Variants in JARID2 observed in about 807,000 individuals in gnomAD.
The protein encoded by JARID2 is protein Jumonji.
In JARID2, 21 loss-of-function variants were observed where a neutral mutation model predicts 125.6. That is an observed-to-expected ratio of 0.17 (90% CI 0.12 to 0.24). The LOEUF is 0.24. JARID2 is among the 10% of genes least tolerant of loss of function. The pLI, the probability that JARID2 is intolerant of heterozygous loss-of-function variation, is 1.00. For synonymous variants in JARID2, 736 were observed against 661.6 expected (o/e 1.11, Z -1.73); for missense variants, 1,303 against 1,639.6 (o/e 0.79, Z 3.55).
chr6:15,387,679 A>C (rs1764840286), intron 2 of JARID2, among the ~76,000 whole-genome samples: 1 of 152,192 alleles, frequency 6.6e-6, no homozygotes, highest in Non-Finnish European at 1.5e-5. Context: ...GTTAATCTGC[A>C]GCATGTTTTC....
intron 1 of JARID2, among the ~76,000 whole-genome samples, chr6:15,282,340 C>G (rs975435798): frequency 5.1e-4 from 77 of 152,274 alleles, no homozygotes; most frequent in African/African-American, 1.9e-3. Flanking sequence ...ATTTTCCTCC[C>G]TTCTTGCCAA....
chr6:15,461,604 A>G (rs1768452383), intron 4 of JARID2, among the ~76,000 whole-genome samples: 1 of 152,202 alleles, frequency 6.6e-6, no homozygotes, highest in African/African-American at 2.4e-5. Context: ...TCACCAACCA[A>G]TCTAGTTACT....
chr6:15,336,111 G>GAATAAATA (rs1189708865), intron 1 of JARID2, among the ~76,000 whole-genome samples: 11 of 142,028 alleles, frequency 7.7e-5, no homozygotes, highest in Admixed American at 3.0e-4. Flanking sequence ...ATGAATGAAT[G>GAATAAATA]AATGAATAAA....
rs79950943 is a variant in JARID2, at chr6:15,428,057, G to A, written c.323+17692G>A. On this transcript the variant is annotated intron_variant, in intron 3 of 17. Coordinates refer to ENST00000341776, the MANE Select transcript of JARID2 (RefSeq NM_004973.4). ...CTGCCTCCCTCCTATTTTATTGTAA[G>A]ATGGGAGTCTGGCGGGTGATGAAAG... 7.2e-3 allele frequency among the ~76,000 whole-genome samples: 1,095 copies of A among 152,190 alleles called. 14 individuals are homozygous for A. Among genetic ancestry groups the A allele is most frequent in the African/African-American group, 0.025 (1,041 of 41,508 alleles).
chr6:15,336,912 C>G (rs1434936964), intron 1 of JARID2, among the ~76,000 whole-genome samples: 1 of 152,064 alleles, frequency 6.6e-6, no homozygotes, highest in African/African-American at 2.4e-5. Context: ...TTAGCAAGTT[C>G]TCTCGCCAGA....
intron 1 of JARID2, among the ~76,000 whole-genome samples, chr6:15,329,002 CTT>C (rs146759476): frequency 7.3e-5 from 11 of 151,346 alleles, no homozygotes; most frequent in Admixed American, 2.6e-4. Flanking sequence ...TAATAATGGG[CTT>C]TTTTTTTCTA....
chr6:15,415,356 G>C (rs1307109274), intron 3 of JARID2, among the ~76,000 whole-genome samples: 3 of 151,466 alleles, frequency 2.0e-5, no homozygotes, highest in Non-Finnish European at 2.9e-5. Context: ...GGCGGTGGCC[G>C]GGCAGAGGGG....
chr6:15,382,724 G>T (rs572422962), intron 2 of JARID2, among the ~76,000 whole-genome samples: 6 of 152,198 alleles, frequency 3.9e-5, no homozygotes, highest in Admixed American at 6.5e-5. Flanking sequence ...ACAGTGAGGC[G>T]CCACGCTTCC....
At chr6:15,454,944 G>A (rs1768088932) in intron 4 of JARID2, among the ~76,000 whole-genome samples, 2 of 152,146 alleles carry the variant, frequency 1.3e-5, no homozygotes, top group East Asian at 1.9e-4. Context: ...GTAGAGTGTG[G>A]TGTGATGATC....
In JARID2 at chr6:15,496,333, G is replaced by T. The variant is rs961851776; in HGVS notation, c.1108G>T (p.Ala370Ser). 2 of 1,614,164 alleles carry T rather than the reference G, an allele frequency of 1.2e-6. No homozygotes were observed. Among genetic ancestry groups the T allele is most frequent in the Admixed American group, 1.7e-5 (1 of 60,016 alleles). The change falls in exon 7 of 18, where the codon GCT (alanine) becomes TCT (serine). Residue 370 changes from alanine to serine, a missense_variant. Around this residue, in one of 11 missense-constraint regions of JARID2, gnomAD observed 651 missense variants for 581.6 expected, o/e 1.12. Coordinates refer to ENST00000341776, the MANE Select transcript of JARID2 (RefSeq NM_004973.4). ...ACCCAATCACCACAAGCCCAGTTCC[G>T]CTGTCAACCACACAATCTCAGGGAA... The part of the protein sequence containing the change: ...TKPNHHKPSS[A>S]VNHTISGKTE...
At chr6:15,319,866 G>T (rs979584554) in intron 1 of JARID2, among the ~76,000 whole-genome samples, 1 of 152,172 alleles carries the variant, frequency 6.6e-6, no homozygotes, top group Admixed American at 6.5e-5. Context: ...CAAATTTGAT[G>T]CAGTCATCAA....
Position 15,468,715 on chromosome 6 carries a change from C to T in JARID2, c.667C>T (p.His223Tyr). ...AACCCACAAACATGTTCACAACGGG[C>T]ATGGTAGGTCCACCGTTGAACTTGG... ...GKTHKHVHNG[H>Y]VFNGSSRSTR... Residue 223 changes from histidine to tyrosine, a missense_variant, in exon 5 of 18, where the codon CAT becomes TAT. Physicochemically the swap from His to Tyr is moderately conservative, Grantham distance 83. Coordinates refer to ENST00000341776, the MANE Select transcript of JARID2 (RefSeq NM_004973.4). 6.2e-7 allele frequency: 1 copy of T among 1,609,094 alleles called. No homozygotes were observed. The highest frequency in any genetic ancestry group is 8.5e-7 in the Non-Finnish European group (1 of 1,177,656).
chr6:15,355,125 T>C (rs1561810415), intron 1 of JARID2, among the ~76,000 whole-genome samples: 1 of 152,160 alleles, frequency 6.6e-6, no homozygotes, highest in African/African-American at 2.4e-5. Flanking sequence ...CCTTACACAT[T>C]CCCATTCTGC....
At chr6:15,497,277 C>A in intron 7 of JARID2, 107 bp downstream of exon 7, 1 of 868,550 alleles carries the variant, frequency 1.2e-6, no homozygotes, top group Non-Finnish European at 1.8e-6. Context: ...AGCTCCAGTT[C>A]CGCTTCCCTG....
intron 1 of JARID2, among the ~76,000 whole-genome samples, chr6:15,338,012 C>T (rs1279779267): frequency 2.0e-5 from 3 of 152,182 alleles, no homozygotes; most frequent in East Asian, 1.9e-4. Context: ...CACGGAAGGA[C>T]GCCATGCTTC....
intron 1 of JARID2, among the ~76,000 whole-genome samples, chr6:15,277,791 A>C (rs1208581479): frequency 2.1e-5 from 3 of 144,678 alleles, no homozygotes; most frequent in Non-Finnish European, 4.6e-5. Context: ...AAAAAAAAAA[A>C]AAACAGTCAA....
chr6:15,278,552 C>T (rs1300193274), intron 1 of JARID2, among the ~76,000 whole-genome samples: 1 of 152,082 alleles, frequency 6.6e-6, no homozygotes, highest in African/African-American at 2.4e-5. Flanking sequence ...CGCCACTGCA[C>T]TCCAGCCTGG....
intron 1 of JARID2, among the ~76,000 whole-genome samples, chr6:15,299,132 G>A (rs754249258): frequency 3.9e-5 from 6 of 152,140 alleles, no homozygotes; most frequent in Non-Finnish European, 7.4e-5. Flanking sequence ...CCCGACATTT[G>A]TCAAACTTCA....
intron 1 of JARID2, among the ~76,000 whole-genome samples, chr6:15,348,299 C>G (rs1763311805): frequency 6.6e-6 from 1 of 152,134 alleles, no homozygotes; most frequent in Non-Finnish European, 1.5e-5. Flanking sequence ...ACCATGTTGG[C>G]CAGTCCGGTC....
Sources: gnomAD v4.1 joint callset for allele counts (sites outside exome capture counted in the v4.1 genomes callset) on GRCh38, gnomAD v4.1.1 for gene constraint, gnomAD v4.1.1 regional missense constraint, MANE v1.5 for transcripts, NCBI Gene and HGNC (gene_info 2026-07-23, HGNC 2026-07-21) for gene names.